The following PPP3CA variants were observed in gnomAD, a reference collection of about 807,000 sequenced individuals.
PPP3CA encodes the protein protein phosphatase 3 catalytic subunit alpha.
Under a neutral mutation model 66.5 loss-of-function variants are expected in PPP3CA, and 14 were observed. The ratio of observed to expected loss-of-function variants is 0.21; its 90% CI spans 0.14 to 0.33. The LOEUF (loss-of-function observed/expected upper bound fraction) is 0.33. PPP3CA is among the 10% of genes least tolerant of loss of function. The pLI is 1.00. For synonymous variants in PPP3CA, 232 were observed against 226.2 expected (o/e 1.03, Z -0.23); for missense variants, 317 against 639.5 (o/e 0.50, Z 5.44).
At chr4:101,096,956 AC>A (rs1730223793) in intron 5 of PPP3CA, among the ~76,000 whole-genome samples, 2 of 152,162 alleles carry the variant, frequency 1.3e-5, no homozygotes, top group African/African-American at 4.8e-5. Flanking sequence ...ATGGAAAAAA[AC>A]AATTAAATGG....
At chr4:101,292,558 GA>G (rs1218321777) in intron 1 of PPP3CA, among the ~76,000 whole-genome samples, 1 of 152,154 alleles carries the variant, frequency 6.6e-6, no homozygotes, top group East Asian at 1.9e-4. Context: ...AATTACTTTA[GA>G]GCTCTACTTT....
chr4:101,102,545 G>A (rs1730493245), intron 3 of PPP3CA, among the ~76,000 whole-genome samples: 1 of 152,162 alleles, frequency 6.6e-6, no homozygotes, highest in Admixed American at 6.5e-5. Flanking sequence ...GTGGACTGGA[G>A]GTGGAGCCCT....
chr4:101,056,445 T>C (rs1431303076), intron 10 of PPP3CA, among the ~76,000 whole-genome samples: 2 of 152,088 alleles, frequency 1.3e-5, no homozygotes, highest in African/African-American at 4.8e-5. Flanking sequence ...ATCTCTAAAT[T>C]GCTATAGGCG....
At chr4:101,309,268 G>A (rs998340813) in intron 1 of PPP3CA, among the ~76,000 whole-genome samples, 2 of 152,256 alleles carry the variant, frequency 1.3e-5, no homozygotes, top group Non-Finnish European at 2.9e-5. Flanking sequence ...CTACACATCA[G>A]GTATTATCTT....
At chr4:101,298,770 A>C (rs1728274784) in intron 1 of PPP3CA, among the ~76,000 whole-genome samples, 1 of 151,618 alleles carries the variant, frequency 6.6e-6, no homozygotes, top group East Asian at 1.9e-4. Context: ...GGGGGGAGTT[A>C]AAACTTATGC....
chr4:101,290,587 A>G (rs1347099330), intron 1 of PPP3CA, among the ~76,000 whole-genome samples: 1 of 152,232 alleles, frequency 6.6e-6, no homozygotes, highest in Non-Finnish European at 1.5e-5. Flanking sequence ...CGGATGGAGC[A>G]GCGATCAAAA....
chr4:101,077,899 G>A (rs1729262205), intron 8 of PPP3CA, among the ~76,000 whole-genome samples: 1 of 150,040 alleles, frequency 6.7e-6, no homozygotes, highest in Admixed American at 6.6e-5. Flanking sequence ...CACCTTATTT[G>A]AGAAATAGCT....
intron 11 of PPP3CA, among the ~76,000 whole-genome samples, chr4:101,038,552 T>G (rs1727363731): frequency 6.6e-6 from 1 of 152,062 alleles, no homozygotes; most frequent in Non-Finnish European, 1.5e-5. Context: ...GTATTTTTAG[T>G]AGAGACAGGG....
At chr4:101,238,000 T>C (rs1345842805) in intron 1 of PPP3CA, among the ~76,000 whole-genome samples, 1 of 152,026 alleles carries the variant, frequency 6.6e-6, no homozygotes, top group African/African-American at 2.4e-5. Flanking sequence ...CAACTCCCTC[T>C]TTCCAACTCT....
At chr4:101,207,560 G>GTC (rs1451812278) in intron 1 of PPP3CA, among the ~76,000 whole-genome samples, 3 of 152,200 alleles carry the variant, frequency 2.0e-5, no homozygotes, top group African/African-American at 7.2e-5. Flanking sequence ...TGGGCACAGT[G>GTC]TCGAATACCT....
intron 5 of PPP3CA, among the ~76,000 whole-genome samples, chr4:101,096,221 T>C (rs1316671239): frequency 1.3e-5 from 2 of 152,216 alleles, no homozygotes; most frequent in Non-Finnish European, 2.9e-5. Flanking sequence ...ACTTGAATGT[T>C]TTATTTTACC....
chr4:101,119,023 A>G (rs1216777639), intron 2 of PPP3CA, among the ~76,000 whole-genome samples: 1 of 149,116 alleles, frequency 6.7e-6, no homozygotes, highest in African/African-American at 2.5e-5. Flanking sequence ...AGCTTGGCAC[A>G]TGGTATGTAC....
At chr4:101,246,531 T>C (rs1463764930) in intron 1 of PPP3CA, among the ~76,000 whole-genome samples, 1 of 152,210 alleles carries the variant, frequency 6.6e-6, no homozygotes, top group Admixed American at 6.5e-5. Flanking sequence ...TTACAAGCTA[T>C]ATATAATGAA....
chr4:101,042,264 G>A (rs1727559187), intron 10 of PPP3CA, among the ~76,000 whole-genome samples: 2 of 149,226 alleles, frequency 1.3e-5, no homozygotes, highest in African/African-American at 2.5e-5. Context: ...TTTCAGAGGT[G>A]ATGCTAACAC....
intron 1 of PPP3CA, among the ~76,000 whole-genome samples, chr4:101,326,945 G>A (rs1433046550): frequency 6.6e-6 from 1 of 152,180 alleles, no homozygotes; most frequent in South Asian, 2.1e-4. Flanking sequence ...TGAATAGGCA[G>A]TATCTATCTG....
intron 2 of PPP3CA, among the ~76,000 whole-genome samples, chr4:101,164,752 T>C (rs749461499): frequency 5.9e-5 from 9 of 152,024 alleles, no homozygotes; most frequent in Non-Finnish European, 1.0e-4. Flanking sequence ...GAGGATCAGA[T>C]GAAAATATAA....
At chr4:101,196,436 T>C (rs536924734) in intron 1 of PPP3CA, among the ~76,000 whole-genome samples, 19 of 152,244 alleles carry the variant, frequency 1.2e-4, no homozygotes, top group Admixed American at 3.3e-4. Context: ...ATCAACTCTG[T>C]GAAAGAAAAT....
intron 2 of PPP3CA, among the ~76,000 whole-genome samples, chr4:101,121,152 T>C (rs1195574292): frequency 6.6e-6 from 1 of 152,120 alleles, no homozygotes; most frequent in Admixed American, 6.6e-5. Flanking sequence ...GTGTTGTTTA[T>C]ATACTAGAAT....
chr4:101,284,844 T>A (rs552890222), intron 1 of PPP3CA, among the ~76,000 whole-genome samples: 2 of 152,338 alleles, frequency 1.3e-5, no homozygotes, highest in African/African-American at 2.4e-5. Flanking sequence ...ATATTCCACA[T>A]GATTAGTCAT....
Sources: gnomAD v4.1 joint callset for allele counts (sites outside exome capture counted in the v4.1 genomes callset) on GRCh38, gnomAD v4.1.1 for gene constraint, MANE v1.5 for transcripts, NCBI Gene and HGNC (gene_info 2026-07-23, HGNC 2026-07-21) for gene names.